MSRA: variants seen among roughly 807,000 people sequenced by gnomAD.
MSRA encodes the protein methionine sulfoxide reductase A, also known as mitochondrial peptide methionine sulfoxide reductase.
A neutral mutation model predicts 31.3 loss-of-function variants in MSRA; 54 were observed. That is an observed-to-expected ratio of 1.73 (90% confidence interval 1.39 to 2.17). The LOEUF (loss-of-function observed/expected upper bound fraction) is 2.17. Ranked by LOEUF, MSRA falls within the 30% of genes most tolerant of loss-of-function variation. The pLI, the probability that MSRA is intolerant of heterozygous loss-of-function variation, is 0.00. For synonymous variants in MSRA, 169 were observed against 116.5 expected (o/e 1.45, Z -2.90); for missense variants, 507 against 300.9 (o/e 1.69, Z -5.07).
chr8:10,249,104 G>A (rs1797781892), intron 3 of MSRA, among the ~76,000 whole-genome samples: 1 of 152,158 alleles, frequency 6.6e-6, no homozygotes, highest in East Asian at 1.9e-4. Context: ...GACCCACAGA[G>A]CCTGATACCC....
intron 3 of MSRA, among the ~76,000 whole-genome samples, chr8:10,268,131 A>G (rs766058634): frequency 1.3e-4 from 20 of 152,222 alleles, no homozygotes; most frequent in Admixed American, 1.0e-3. Context: ...AAATGAATAC[A>G]TATGAAGATG....
chr8:10,203,700 C>G (rs1450588812), intron 1 of MSRA, among the ~76,000 whole-genome samples: 1 of 152,162 alleles, frequency 6.6e-6, no homozygotes, highest in Non-Finnish European at 1.5e-5. Flanking sequence ...CTATACTATA[C>G]TTTTTGTCCT....
intron 5 of MSRA, among the ~76,000 whole-genome samples, chr8:10,331,924 A>G (rs1563360239): frequency 6.6e-6 from 1 of 152,164 alleles, no homozygotes; most frequent in African/African-American, 2.4e-5. Context: ...GGTTGGATGA[A>G]TCCAAGCACG....
chr8:10,056,164 C>G (rs1802350616), intron 1 of MSRA, among the ~76,000 whole-genome samples: 1 of 137,098 alleles, frequency 7.3e-6, no homozygotes, highest in African/African-American at 2.7e-5. Context: ...CCCGTTCACA[C>G]ACTGCCGTGT....
chr8:10,253,035 C>T (rs1312119732), intron 3 of MSRA, among the ~76,000 whole-genome samples: 2 of 152,178 alleles, frequency 1.3e-5, no homozygotes, highest in Non-Finnish European at 2.9e-5. Context: ...CAAGTTTGCC[C>T]AGTTATTTAA....
chr8:10,147,281 C>G (rs1338493797), intron 1 of MSRA, among the ~76,000 whole-genome samples: 1 of 152,092 alleles, frequency 6.6e-6, no homozygotes, highest in Non-Finnish European at 1.5e-5. Flanking sequence ...CATCCTGGAG[C>G]AAGATGGGAA....
intron 1 of MSRA, among the ~76,000 whole-genome samples, chr8:10,187,231 C>T (rs1807133920): frequency 6.6e-6 from 1 of 152,340 alleles, no homozygotes; most frequent in East Asian, 1.9e-4. Flanking sequence ...AGTGACTGAG[C>T]ATGGCTTGAA....
At chr8:10,178,893 T>G (rs1287819639) in intron 1 of MSRA, among the ~76,000 whole-genome samples, 4 of 152,202 alleles carry the variant, frequency 2.6e-5, no homozygotes, top group Non-Finnish European at 5.9e-5. Context: ...TGCAGCCCAG[T>G]GAAGGGATTC....
chr8:10,080,020 C>G (rs978404254), intron 1 of MSRA, among the ~76,000 whole-genome samples: 3 of 152,222 alleles, frequency 2.0e-5, no homozygotes, highest in African/African-American at 7.2e-5. Flanking sequence ...CAAAATTAAT[C>G]TCCTTTCCTC....
chr8:10,210,214 T>C (rs75496721), intron 2 of MSRA, among the ~76,000 whole-genome samples: 2 of 152,130 alleles, frequency 1.3e-5, no homozygotes, highest in East Asian at 3.9e-4. Flanking sequence ...GATGGACTCA[T>C]ATACTCCTCT....
At chr8:10,315,351 G>A (rs1362248110) in intron 4 of MSRA, among the ~76,000 whole-genome samples, 1 of 152,132 alleles carries the variant, frequency 6.6e-6, no homozygotes. Context: ...CCAGAGAGAG[G>A]GAAGGCATTG....
chr8:10,274,916 T>C (rs1280060071), intron 3 of MSRA, among the ~76,000 whole-genome samples: 3 of 152,204 alleles, frequency 2.0e-5, no homozygotes, highest in Non-Finnish European at 4.4e-5. Context: ...TTCGTCTATC[T>C]TCTTTTGAGT....
At chr8:10,375,840 G>T (rs923815263) in intron 5 of MSRA, among the ~76,000 whole-genome samples, 1 of 152,202 alleles carries the variant, frequency 6.6e-6, no homozygotes, top group African/African-American at 2.4e-5. Flanking sequence ...TGACTAGGTG[G>T]CTCTGAAGGA....
chr8:10,138,779 T>C (rs1199176486), intron 1 of MSRA, among the ~76,000 whole-genome samples: 1 of 152,230 alleles, frequency 6.6e-6, no homozygotes, highest in Non-Finnish European at 1.5e-5. Context: ...CCCCTTATCT[T>C]AGTACAACTG....
chr8:10,099,606 A>G (rs1369597522), intron 1 of MSRA, among the ~76,000 whole-genome samples: 1 of 152,222 alleles, frequency 6.6e-6, no homozygotes, highest in Non-Finnish European at 1.5e-5. Flanking sequence ...TAGCTTGTTG[A>G]GTCTTATTTG....
intron 3 of MSRA, among the ~76,000 whole-genome samples, chr8:10,271,167 G>T (rs1314190888): frequency 2.0e-5 from 3 of 151,740 alleles, no homozygotes; most frequent in South Asian, 2.1e-4. Flanking sequence ...TTAAAAGTGG[G>T]CAAAACATTT....
intron 2 of MSRA, among the ~76,000 whole-genome samples, chr8:10,217,489 C>T (rs1810094860): frequency 6.6e-6 from 1 of 152,200 alleles, no homozygotes; most frequent in Non-Finnish European, 1.5e-5. Context: ...CTGTCAATAT[C>T]ATTTCTCTCA....
chr8:10,105,544 C>T (rs1235647681), intron 1 of MSRA, among the ~76,000 whole-genome samples: 4 of 152,116 alleles, frequency 2.6e-5, no homozygotes, highest in East Asian at 1.9e-4. Context: ...TATAGCACAC[C>T]GATAATGTAG....
At chr8:10,372,013 C>A (rs1247653073) in intron 5 of MSRA, among the ~76,000 whole-genome samples, 2 of 152,178 alleles carry the variant, frequency 1.3e-5, no homozygotes, top group Admixed American at 6.5e-5. Flanking sequence ...GAGCCCCAGG[C>A]AGAACGAGCT....
Sources: allele counts gnomAD v4.1 joint callset (sites outside exome capture counted in the v4.1 genomes callset), GRCh38; gene constraint gnomAD v4.1.1; transcripts MANE v1.5; gene names NCBI Gene and HGNC (gene_info 2026-07-23, HGNC 2026-07-21).